CMPK2: variants seen among roughly 807,000 people sequenced by gnomAD.
The protein encoded by CMPK2 is cytidine/uridine monophosphate kinase 2, also known as UMP-CMP kinase 2, mitochondrial.
In CMPK2, 32 loss-of-function variants were observed where a neutral mutation model predicts 33.4. The ratio of observed to expected loss-of-function variants is 0.96; its 90% confidence interval spans 0.72 to 1.29. The LOEUF (loss-of-function observed/expected upper bound fraction) is 1.29, where lower values mean the gene tolerates loss of function less well. Ranked by LOEUF, CMPK2 falls within the 50% of genes most tolerant of loss-of-function variation. The pLI, the probability that CMPK2 is intolerant of heterozygous loss-of-function variation, is 0.00. For missense variants in CMPK2, 672 were observed against 616.0 expected (o/e 1.09, Z -0.96); for synonymous variants, 299 against 275.3 (o/e 1.09, Z -0.85).
chr2:6,846,507 C>T (rs888185156), downstream of CMPK2, among the ~76,000 whole-genome samples: 1 of 152,144 alleles, frequency 6.6e-6, no homozygotes, highest in Non-Finnish European at 1.5e-5. Context: ...AACTCTACTC[C>T]GCAAGATTAT....
At chr2:6,853,668 T>C (rs915532548) in intron 3 of CMPK2, among the ~76,000 whole-genome samples, 10 of 152,088 alleles carry the variant, frequency 6.6e-5, no homozygotes, top group Non-Finnish European at 1.2e-4. Context: ...GTTGGGAGGC[T>C]GAGGTGGGTG....
At position 6,849,123 on chromosome 2, in the gene CMPK2, G is replaced by T; in HGVS notation, c.*727C>A. ...AGCCATACTTTAGAAAAAAAGAAAA[G>T]AAATATAAATAAGCAAAATATAATT... On this transcript the variant is annotated 3_prime_UTR_variant, in exon 5 of 5. Transcript: ENST00000256722. The T allele has an allele frequency of 2.0e-6, 2 of 983,608 alleles. No individual in the cohort carries two copies. Among genetic ancestry groups the T allele is most frequent in the African/African-American group, 1.7e-5 (1 of 57,324 alleles). The allele number at this position is 983,608 out of a possible 1,614,324, so 60.9% of individuals were successfully genotyped here.
chr2:6,853,412 A>G (rs1662584642), intron 3 of CMPK2, among the ~76,000 whole-genome samples: 1 of 152,160 alleles, frequency 6.6e-6, no homozygotes, highest in Non-Finnish European at 1.5e-5. Flanking sequence ...TGTAGGTAAA[A>G]GTCATCTAAG....
rs761985356 is a variant in CMPK2 at position 6,865,292 on chromosome 2, G to T, written c.405C>A (p.Asp135Glu). ...GGAQQGFLLR[D>E]PLDDPDTRQA... ...GCCGGGTGTCAGGGTCATCCAGGGG[G>T]TCGCGCAGCAGGAAGCCTTGCTGTG... Residue 135 changes from aspartate to glutamate, a missense_variant, in exon 1 of 5, where the codon GAC becomes GAA. Transcript: ENST00000256722. 1.3e-6 allele frequency: 2 copies of T among 1,529,216 alleles called. No individual in the cohort carries two copies. Among genetic ancestry groups the T allele is most frequent in the South Asian group, 2.4e-5 (2 of 83,812 alleles). The allele number at this position is 1,529,216 out of a possible 1,614,324, so 94.7% of individuals were successfully genotyped here.
chr2:6,846,117 G>C (rs376232760), downstream of CMPK2, among the ~76,000 whole-genome samples: 49 of 152,306 alleles, frequency 3.2e-4, 1 homozygote, highest in African/African-American at 1.1e-3. Flanking sequence ...TGGCATTGTA[G>C]GGTTAGAAAT....
Position 6,852,016 on chromosome 2 carries a change from G to T in CMPK2, c.993-333C>A, listed in dbSNP as rs377167260. ...TATGAAAGAATGGAGGGTGACAGGG[G>T]ACAATGAACCTGTTTGGCAGTTCAT... On this transcript the variant is annotated intron_variant, in intron 3 of 4. Transcript: ENST00000256722. Among the ~76,000 whole-genome samples the T allele has an allele frequency of 2.0e-5, 3 of 152,324 alleles. No individual in the cohort carries two copies. In the East Asian group the frequency reaches 5.8e-4, roughly 29 times the overall value.
At chr2:6,844,825 T>C (rs1200465300), downstream of CMPK2, among the ~76,000 whole-genome samples, 2 of 152,306 alleles carry the variant, frequency 1.3e-5, no homozygotes, top group Non-Finnish European at 2.9e-5. Flanking sequence ...GATAAAACAC[T>C]TACGTTAAAT....
At position 6,865,474 on chromosome 2, in the gene CMPK2, G is replaced by A. The variant is rs1663046652; in HGVS notation, c.223C>T (p.Leu75=). The A allele has an allele frequency of 7.9e-7, 1 of 1,261,620 alleles. No individual in the cohort carries two copies. The highest frequency in any genetic ancestry group is 4.3e-5 in the Admixed American group (1 of 23,290). The allele number at this position is 1,261,620 out of a possible 1,614,324, so 78.2% of individuals were successfully genotyped here. ...GCGTCCGGGGTCACGGGCACGCACA[G>A]CGAGTAGCTGCGCTCCGGGGGCCCC... is the stretch of plus-strand genomic sequence containing the variant. ...LLGPPERSYS[L]CVPVTPDAGC... The change falls in exon 1 of 5, where the codon CTG becomes TTG. Residue 75 remains leucine, a synonymous_variant. Coordinates refer to ENST00000256722, the MANE Select transcript of CMPK2 (RefSeq NM_207315.4).
rs1413058236 is a variant in CMPK2 at position 6,865,712 on chromosome 2, G to A, written c.-16C>T. On this transcript the variant is annotated 5_prime_UTR_variant, in exon 1 of 5. Transcript: ENST00000256722. ...CGAAGGCCATGGGCGCCTCAGCGAC[G>A]CCGCCCTCGGCCCCGCCTCGGAAAC... 11 of 1,282,960 alleles carry A rather than the reference G, an allele frequency of 8.6e-6. No individual in the cohort carries two copies. The highest frequency in any genetic ancestry group is 5.9e-6 in the Non-Finnish European group (6 of 1,017,426). The allele number at this position is 1,282,960 out of a possible 1,614,324, so 79.5% of individuals were successfully genotyped here.
chr2:6,847,717 G>A (rs116734524), downstream of CMPK2, among the ~76,000 whole-genome samples: 10 of 152,116 alleles, frequency 6.6e-5, no homozygotes, highest in South Asian at 4.1e-4. Flanking sequence ...GAATACAGCC[G>A]ATATGAAGAG....
At chr2:6,850,764 AGG>A (rs1326124332) in intron 4 of CMPK2, 1 of 984,398 alleles carries the variant, frequency 1.0e-6, no homozygotes, top group African/African-American at 1.7e-5. Flanking sequence ...TTATGATAAC[AGG>A]GCTATCATTG....
At chr2:6,847,556 T>A (rs1007287798), downstream of CMPK2, among the ~76,000 whole-genome samples, 1 of 152,142 alleles carries the variant, frequency 6.6e-6, no homozygotes, top group South Asian at 2.1e-4. Context: ...CTTGATTTTT[T>A]CCCCAGGCTG....
At chr2:6,851,956 A>G (rs6717292) in intron 3 of CMPK2, among the ~76,000 whole-genome samples, 2,398 of 152,304 alleles carry the variant, frequency 0.016, 62 homozygotes, top group African/African-American at 0.052. Context: ...CCCCTCTGTC[A>G]TCACATCTTT....
chr2:6,847,169 T>G (rs1418922444), downstream of CMPK2, among the ~76,000 whole-genome samples: 2 of 152,102 alleles, frequency 1.3e-5, no homozygotes, highest in Non-Finnish European at 2.9e-5. Flanking sequence ...ATGACTCAGC[T>G]TGGCCAGGCA....
chr2:6,863,930 G>A (rs547072309), intron 1 of CMPK2, among the ~76,000 whole-genome samples: 8 of 152,350 alleles, frequency 5.3e-5, no homozygotes, highest in African/African-American at 1.7e-4. Context: ...ACAAGAATGG[G>A]AAATCAGCTG....
chr2:6,851,281 T>C (rs1572134549), intron 4 of CMPK2, 169 bp downstream of exon 4: 3 of 1,454,432 alleles, frequency 2.1e-6, no homozygotes, highest in African/African-American at 1.4e-5. Context: ...GCTGCAGCCC[T>C]GTGGTGACAA....
chr2:6,843,386 T>C (rs1662278405), downstream of CMPK2, among the ~76,000 whole-genome samples: 1 of 152,162 alleles, frequency 6.6e-6, no homozygotes. Context: ...GTACCCCTAA[T>C]AGTGGAGTGT....
At chr2:6,848,156 C>T (rs1034688433), downstream of CMPK2, among the ~76,000 whole-genome samples, 2 of 152,324 alleles carry the variant, frequency 1.3e-5, no homozygotes, top group South Asian at 4.1e-4. Flanking sequence ...TAGCCCTCCC[C>T]TTTCTCTGAA....
chr2:6,840,586 C>A (rs1365223100), exon 4 of CMPK2: 1 of 702,260 alleles, frequency 1.4e-6, no homozygotes, highest in Non-Finnish European at 2.6e-6. Context: ...CAGGCCTTGA[C>A]TCGAGTGTGA....
Sources: gnomAD v4.1 joint callset for allele counts (sites outside exome capture counted in the v4.1 genomes callset) on GRCh38, gnomAD v4.1.1 for gene constraint, MANE v1.5 for transcripts, NCBI Gene and HGNC (gene_info 2026-07-23, HGNC 2026-07-21) for gene names.